C9orf85: variants seen among roughly 807,000 people sequenced by gnomAD.
C9orf85 encodes the protein uncharacterized protein C9orf85.
In C9orf85, 16 loss-of-function variants were observed where a neutral mutation model predicts 14.9. That is an observed-to-expected ratio of 1.08 (90% CI 0.73 to 1.63). The LOEUF (loss-of-function observed/expected upper bound fraction) is 1.63, where lower values mean the gene tolerates loss of function less well. Among genes scored for constraint, C9orf85 ranks in the 40% most tolerant of loss-of-function variants. The pLI is 0.00. For missense variants in C9orf85, 172 were observed against 186.1 expected (o/e 0.92, Z 0.44); for synonymous variants, 45 against 56.8 (o/e 0.79, Z 0.93).
chr9:71,941,800 C>G (rs979943974), intron 1 of C9orf85: 72 of 152,050 alleles, frequency 4.7e-4, no homozygotes, highest in African/African-American at 1.6e-3. Flanking sequence ...TTTCATTTTT[C>G]TTAGGTGTGG....
intron 2 of C9orf85, among the ~76,000 whole-genome samples, chr9:71,964,899 C>A (rs999903833): frequency 6.6e-6 from 1 of 152,128 alleles, no homozygotes; most frequent in African/African-American, 2.4e-5. Context: ...TAGGACGAAC[C>A]CGGGCACTTA....
chr9:71,952,547 T>C (rs995069663), intron 2 of C9orf85, among the ~76,000 whole-genome samples: 1 of 152,126 alleles, frequency 6.6e-6, no homozygotes, highest in Non-Finnish European at 1.5e-5. Context: ...TTTGTATTTT[T>C]AGTAGAGACG....
chr9:71,938,641 A>G (rs1373802072), intron 1 of C9orf85, among the ~76,000 whole-genome samples: 1 of 152,094 alleles, frequency 6.6e-6, no homozygotes, highest in African/African-American at 2.4e-5. Flanking sequence ...ACTTGACCAA[A>G]GAAAGGGGAC....
At chr9:71,972,505 C>T (rs537599426) in intron 3 of C9orf85, among the ~76,000 whole-genome samples, 187 bp from the exon 4 acceptor site, 18 of 152,288 alleles carry the variant, frequency 1.2e-4, no homozygotes, top group East Asian at 3.9e-4. Flanking sequence ...GTGATCTGCA[C>T]GCCTTGGTCT....
At chr9:71,956,677 T>C (rs371624484) in intron 2 of C9orf85, among the ~76,000 whole-genome samples, 10 of 152,132 alleles carry the variant, frequency 6.6e-5, no homozygotes, top group African/African-American at 1.9e-4. Context: ...GCATTTCAGA[T>C]TTCAGATTTT....
chr9:71,970,829 C>CTT (rs72263039), intron 2 of C9orf85, among the ~76,000 whole-genome samples: 308 of 142,530 alleles, frequency 2.2e-3, no homozygotes, highest in South Asian at 4.2e-3. Context: ...AATATTAAGT[C>CTT]TTTTTTTTTT....
chr9:71,982,637 T>C (rs1398199931), intron 3 of C9orf85: 16 of 365,342 alleles, frequency 4.4e-5, no homozygotes, highest in Admixed American at 1.4e-4. Context: ...TATTTCTTTT[T>C]TTTTTTTTTT....
chr9:71,921,259 T>C (rs1003280632), intron 1 of C9orf85, among the ~76,000 whole-genome samples: 1 of 152,252 alleles, frequency 6.6e-6, no homozygotes, highest in Non-Finnish European at 1.5e-5. Flanking sequence ...TAGGAGAGTC[T>C]GACACCTTTT....
At chr9:71,962,487 G>T (rs1564097438) in intron 2 of C9orf85, among the ~76,000 whole-genome samples, 1 of 152,176 alleles carries the variant, frequency 6.6e-6, no homozygotes, top group Non-Finnish European at 1.5e-5. Flanking sequence ...TACACCAAGG[G>T]TGGAGTACTG....
At chr9:71,926,004 A>G (rs1284323664) in intron 1 of C9orf85, among the ~76,000 whole-genome samples, 2 of 152,228 alleles carry the variant, frequency 1.3e-5, no homozygotes, top group Non-Finnish European at 2.9e-5. Context: ...AGTATACCTG[A>G]TCCCTGTTGG....
chr9:71,971,686 G>T, intron 3 of C9orf85, 68 bp downstream of exon 3: 2 of 1,147,128 alleles, frequency 1.7e-6, no homozygotes, highest in Non-Finnish European at 2.6e-6. Context: ...TTTAAGAGAT[G>T]ATCCTTGCTA....
intron 1 of C9orf85, among the ~76,000 whole-genome samples, chr9:71,914,639 T>C (rs369195862): frequency 6.6e-6 from 1 of 152,316 alleles, no homozygotes; most frequent in South Asian, 2.1e-4. Flanking sequence ...ACACAGATGA[T>C]AGCTTTCTTT....
At chr9:71,934,294 GACACTGTCTCAAAACAAACAAAACAA>G (rs1208227105) in intron 1 of C9orf85, among the ~76,000 whole-genome samples, 2 of 151,952 alleles carry the variant, frequency 1.3e-5, no homozygotes, top group Non-Finnish European at 2.9e-5. Flanking sequence ...AACAGAGCAG[GACACTGTCTCAAAACAAACAAAACAA>G]ACACTGTCTC....
At position 71,972,185 on chromosome 9, in the gene C9orf85, C is replaced by T. The variant is rs139303411; in HGVS notation, c.324-507C>T. ...ATTTAACAACTTTTCTTTTAATAGA[C>T]ATCATATATTAATTTATTTGAGCCT... On this transcript the variant is annotated intron_variant, in intron 3 of 3. Coordinates refer to ENST00000334731, the MANE Select transcript of C9orf85 (RefSeq NM_182505.5). Among the ~76,000 whole-genome samples the T allele has an allele frequency of 1.1e-3, 161 of 152,060 alleles. 2 individuals are homozygous for T. The East Asian group carries it at 0.027, about 25-fold the overall frequency.
At chr9:71,912,935 G>C (rs1158691549) in intron 1 of C9orf85, among the ~76,000 whole-genome samples, 1 of 152,072 alleles carries the variant, frequency 6.6e-6, no homozygotes, top group East Asian at 1.9e-4. Flanking sequence ...CTCTCTCCCT[G>C]TCTCCATAGC....
intron 1 of C9orf85, among the ~76,000 whole-genome samples, chr9:71,930,422 A>G (rs960379327): frequency 6.6e-6 from 1 of 152,094 alleles, no homozygotes; most frequent in Non-Finnish European, 1.5e-5. Flanking sequence ...TTTTTCCCCA[A>G]AATACTTATT....
intron 2 of C9orf85, among the ~76,000 whole-genome samples, chr9:71,954,301 G>C (rs1276172583): frequency 6.6e-6 from 1 of 151,734 alleles, no homozygotes; most frequent in Non-Finnish European, 1.5e-5. Flanking sequence ...CCTCTAGACT[G>C]TAGGGAAAAA....
intron 1 of C9orf85, among the ~76,000 whole-genome samples, chr9:71,925,572 G>A (rs1827911229): frequency 6.6e-6 from 1 of 152,200 alleles, no homozygotes; most frequent in Non-Finnish European, 1.5e-5. Context: ...TGAAGCTGGA[G>A]GAGACGGTGG....
At chr9:71,972,628 C>T in intron 3 of C9orf85, 64 bp from the exon 4 acceptor site, 6 of 1,248,002 alleles carry the variant, frequency 4.8e-6, no homozygotes, top group Non-Finnish European at 6.6e-6. Context: ...AAAGTCTTTT[C>T]AATCTACATG....
Sources: gnomAD v4.1 joint callset for allele counts (sites outside exome capture counted in the v4.1 genomes callset) on GRCh38, gnomAD v4.1.1 for gene constraint, MANE v1.5 for transcripts, NCBI Gene and HGNC (gene_info 2026-07-23, HGNC 2026-07-21) for gene names.